RPS6KC1: variants seen among roughly 807,000 people sequenced by gnomAD.
The protein encoded by RPS6KC1 is ribosomal protein S6 kinase C1.
In RPS6KC1, 54 loss-of-function variants were observed where a neutral mutation model predicts 103.8. The observed-to-expected ratio is 0.52, with a 90% confidence interval of 0.42 to 0.65. RPS6KC1 has a LOEUF of 0.65. Ranked by LOEUF, RPS6KC1 falls within the 30% of genes least tolerant of loss-of-function variation. RPS6KC1 has a pLI of 0.00. For synonymous variants in RPS6KC1, 439 were observed against 438.7 expected (o/e 1.00, Z -0.01); for missense variants, 1,151 against 1,253.8 (o/e 0.92, Z 1.24).
chr1:213,631,229 G>C, the RPS6KC1 span, among the ~76,000 whole-genome samples: 1 of 151,986 alleles, frequency 6.6e-6, no homozygotes. Flanking sequence ...TGCACCCACT[G>C]TCTGTCACTC....
chr1:213,365,072 A>C, the RPS6KC1 span, among the ~76,000 whole-genome samples: 7 of 152,364 alleles, frequency 4.6e-5, no homozygotes, highest in Middle Eastern at 3.4e-3. Context: ...CAGAGAATAT[A>C]CCAATAACAT....
the RPS6KC1 span, among the ~76,000 whole-genome samples, chr1:213,676,620 C>A: frequency 6.6e-6 from 1 of 152,282 alleles, no homozygotes; most frequent in African/African-American, 2.4e-5. Context: ...CACATTGCAC[C>A]AAGTTACCTC....
intron 7 of RPS6KC1, among the ~76,000 whole-genome samples, chr1:213,169,754 A>G (rs993824725): frequency 6.6e-6 from 1 of 151,002 alleles, no homozygotes; most frequent in Non-Finnish European, 1.5e-5. Flanking sequence ...ATATTGTAAA[A>G]GTTTTTTTAA....
chr1:213,579,291 A>G, the RPS6KC1 span, among the ~76,000 whole-genome samples: 91 of 152,182 alleles, frequency 6.0e-4, no homozygotes, highest in Admixed American at 7.2e-4. Context: ...ATTTCTTTAT[A>G]GCAGTATAAA....
chr1:213,282,967 CTT>C, the RPS6KC1 span, among the ~76,000 whole-genome samples: 1 of 152,204 alleles, frequency 6.6e-6, no homozygotes, highest in Non-Finnish European at 1.5e-5. Flanking sequence ...AGGAAGTTGA[CTT>C]ATTCCAGTTG....
chr1:213,628,320 T>G, the RPS6KC1 span, among the ~76,000 whole-genome samples: 1 of 152,192 alleles, frequency 6.6e-6, no homozygotes, highest in Non-Finnish European at 1.5e-5. Context: ...CTTTTATTCT[T>G]TATTAGTCTT....
chr1:213,761,052 G>T, the RPS6KC1 span, among the ~76,000 whole-genome samples: 2 of 151,990 alleles, frequency 1.3e-5, no homozygotes, highest in Non-Finnish European at 2.9e-5. Context: ...TATAAGGGAA[G>T]CTGGTCTCGG....
At chr1:213,526,772 G>A in the RPS6KC1 span, among the ~76,000 whole-genome samples, 18 of 152,216 alleles carry the variant, frequency 1.2e-4, no homozygotes, top group African/African-American at 4.3e-4. Context: ...AGGATGTAAA[G>A]GCAATTTAGG....
intron 8 of RPS6KC1, among the ~76,000 whole-genome samples, chr1:213,182,809 CAT>C (rs929397320): frequency 5.9e-4 from 87 of 147,110 alleles, no homozygotes; most frequent in African/African-American, 2.0e-3. Context: ...TTATATATCA[CAT>C]GTTTGAAGTG....
the RPS6KC1 span, among the ~76,000 whole-genome samples, chr1:213,737,015 G>T: frequency 6.6e-6 from 1 of 152,222 alleles, no homozygotes; most frequent in Non-Finnish European, 1.5e-5. Flanking sequence ...GCTCCCTCCC[G>T]TGTTCCACCA....
chr1:213,265,748 G>A (rs2094897164), intron 14 of RPS6KC1, among the ~76,000 whole-genome samples: 1 of 152,194 alleles, frequency 6.6e-6, no homozygotes, highest in African/African-American at 2.4e-5. Flanking sequence ...AAGACTGTTA[G>A]TATAGTCTTT....
In RPS6KC1 at chr1:213,051,431, C is replaced by T; in HGVS notation, c.27C>T (p.Ala9=). 1 of 1,613,372 alleles carries T rather than the reference C, an allele frequency of 6.2e-7. No homozygotes were observed. Among genetic ancestry groups the T allele is most frequent in the Non-Finnish European group, 8.5e-7 (1 of 1,179,778 alleles). MTSYRERS[A]DLARFYTVTE... is the part of the protein sequence containing the mutation. ...TGACCTCTTACCGGGAGCGGAGTGC[C>T]GACCTGGCCCGTTTCTACACTGTCA... The change falls in exon 1 of 15, where the codon GCC becomes GCT. Residue 9 remains alanine, a synonymous_variant. Transcript: ENST00000366960.
At chr1:213,825,618 A>G in the RPS6KC1 span, among the ~76,000 whole-genome samples, 2 of 152,122 alleles carry the variant, frequency 1.3e-5, no homozygotes, top group Non-Finnish European at 2.9e-5. Flanking sequence ...CTCCACATGG[A>G]TCATCCCCTG....
At chr1:213,396,887 A>G in the RPS6KC1 span, among the ~76,000 whole-genome samples, 1 of 152,214 alleles carries the variant, frequency 6.6e-6, no homozygotes, top group Non-Finnish European at 1.5e-5. Flanking sequence ...GGAGGTGTGC[A>G]TCCATGCCAT....
At chr1:213,856,771 C>G in the RPS6KC1 span, among the ~76,000 whole-genome samples, 1 of 152,100 alleles carries the variant, frequency 6.6e-6, no homozygotes, top group Non-Finnish European at 1.5e-5. Context: ...TTTTTTAAAC[C>G]AATTCTATCG....
the RPS6KC1 span, among the ~76,000 whole-genome samples, chr1:213,573,741 G>A: frequency 6.6e-5 from 10 of 152,180 alleles, no homozygotes; most frequent in Non-Finnish European, 1.3e-4. Flanking sequence ...GCCCTTTGAA[G>A]GGACAGAGAG....
chr1:213,738,815 T>G, the RPS6KC1 span, among the ~76,000 whole-genome samples: 8 of 150,158 alleles, frequency 5.3e-5, no homozygotes, highest in African/African-American at 2.0e-4. Context: ...GCCAACATGG[T>G]GAAACCCAGC....
intron 1 of RPS6KC1, among the ~76,000 whole-genome samples, chr1:213,066,179 A>G (rs2078315618): frequency 6.6e-6 from 1 of 152,242 alleles, no homozygotes; most frequent in Non-Finnish European, 1.5e-5. Flanking sequence ...TAATAATAAA[A>G]AGGAGGCTAA....
the RPS6KC1 span, among the ~76,000 whole-genome samples, chr1:213,510,433 G>A: frequency 6.6e-6 from 1 of 152,142 alleles, no homozygotes; most frequent in African/African-American, 2.4e-5. Context: ...CACTGATAGA[G>A]TTTCCATGGA....
Sources: allele counts gnomAD v4.1 joint callset (sites outside exome capture counted in the v4.1 genomes callset), GRCh38; gene constraint gnomAD v4.1.1; transcripts MANE v1.5; gene names NCBI Gene and HGNC (gene_info 2026-07-23, HGNC 2026-07-21).